XIRP2: variants seen among roughly 807,000 people sequenced by gnomAD.
XIRP2 encodes xin actin-binding repeat-containing protein 2.
A neutral mutation model predicts 277.0 loss-of-function variants in XIRP2; 236 were observed. That is an observed-to-expected ratio of 0.85 (90% CI 0.77 to 0.95). The LOEUF (loss-of-function observed/expected upper bound fraction) is 0.95, where lower values mean the gene tolerates loss of function less well. Among genes scored for constraint, XIRP2 ranks in the 40% least tolerant of loss-of-function variants. The pLI, the probability that XIRP2 is intolerant of heterozygous loss-of-function variation, is 0.00. For missense variants in XIRP2, 4,640 were observed against 4,157.5 expected, an observed-to-expected ratio of 1.12 and a Z score of -3.19; for synonymous variants, 1,490 against 1,416.5, an observed-to-expected ratio of 1.05 and a Z score of -1.17.
intron 2 of XIRP2, among the ~76,000 whole-genome samples, chr2:167,082,605 C>T (rs1167305931): frequency 6.6e-6 from 1 of 152,182 alleles, no homozygotes; most frequent in Non-Finnish European, 1.5e-5. Context: ...TCTCCAGCAC[C>T]TATTGTTTCC....
chr2:167,201,250 GA>G (rs779665629), intron 3 of XIRP2, among the ~76,000 whole-genome samples: 6 of 92,814 alleles, frequency 6.5e-5, no homozygotes, highest in Non-Finnish European at 1.1e-4. Flanking sequence ...AAGAAAGAAA[GA>G]AAGAAAGAAA....
At chr2:166,902,555 G>A (rs1284015348) in intron 1 of XIRP2, among the ~76,000 whole-genome samples, 4 of 151,940 alleles carry the variant, frequency 2.6e-5, no homozygotes, top group Admixed American at 2.6e-4. Flanking sequence ...TATTTCTGTG[G>A]CAAAAATTAG....
intron 2 of XIRP2, among the ~76,000 whole-genome samples, chr2:167,035,718 A>G (rs1181192272): frequency 6.6e-6 from 1 of 152,214 alleles, no homozygotes; most frequent in African/African-American, 2.4e-5. Context: ...TAAGTAGCAA[A>G]GGGCATAATG....
At chr2:167,225,803 T>C (rs1299888351) in intron 5 of XIRP2, among the ~76,000 whole-genome samples, 1 of 152,198 alleles carries the variant, frequency 6.6e-6, no homozygotes, top group Non-Finnish European at 1.5e-5. Flanking sequence ...TCACTGAATT[T>C]TTCCTTCCAA....
At chr2:166,939,990 G>T (rs1685655897) in intron 2 of XIRP2, among the ~76,000 whole-genome samples, 1 of 152,066 alleles carries the variant, frequency 6.6e-6, no homozygotes, top group African/African-American at 2.4e-5. Context: ...TTGAATGTTG[G>T]TCTGCCTTTC....
At chr2:167,040,257 A>C (rs928967631) in intron 2 of XIRP2, among the ~76,000 whole-genome samples, 19 of 151,834 alleles carry the variant, frequency 1.3e-4, no homozygotes, top group Non-Finnish European at 2.2e-4. Context: ...CATTTCAAAC[A>C]CATCTTCAGA....
At chr2:166,982,319 T>A (rs1036934217) in intron 2 of XIRP2, among the ~76,000 whole-genome samples, 10 of 130,696 alleles carry the variant, frequency 7.7e-5, no homozygotes, top group Non-Finnish European at 1.1e-4. Flanking sequence ...AGGTACAGTT[T>A]TTTTTTTTAA....
At chr2:167,050,138 C>T (rs2105533339) in intron 2 of XIRP2, among the ~76,000 whole-genome samples, 1 of 152,130 alleles carries the variant, frequency 6.6e-6, no homozygotes, top group East Asian at 1.9e-4. Flanking sequence ...TGCCAATTTA[C>T]TTGATTCTTT....
intron 2 of XIRP2, among the ~76,000 whole-genome samples, chr2:167,022,515 T>C (rs1001978839): frequency 6.6e-6 from 1 of 152,152 alleles, no homozygotes; most frequent in Non-Finnish European, 1.5e-5. Context: ...TAGTTACCTA[T>C]GTATACATGT....
chr2:167,167,372 G>T (rs1692555227), intron 3 of XIRP2, among the ~76,000 whole-genome samples: 1 of 151,986 alleles, frequency 6.6e-6, no homozygotes, highest in South Asian at 2.1e-4. Context: ...TTTCATATTT[G>T]TTACTTTTTA....
intron 2 of XIRP2, among the ~76,000 whole-genome samples, chr2:167,060,153 C>A (rs991737736): frequency 6.6e-6 from 1 of 152,038 alleles, no homozygotes; most frequent in Non-Finnish European, 1.5e-5. Flanking sequence ...ACTAAAATTT[C>A]AGATTTCTTG....
At chr2:167,148,553 T>C (rs936663299) in intron 3 of XIRP2, among the ~76,000 whole-genome samples, 2 of 151,404 alleles carry the variant, frequency 1.3e-5, no homozygotes, top group Non-Finnish European at 2.9e-5. Context: ...AATTAGAGTA[T>C]CGAAAACTGC....
At chr2:167,126,197 TCA>T (rs35533380) in intron 2 of XIRP2, among the ~76,000 whole-genome samples, 9,078 of 99,124 alleles carry the variant, frequency 0.092, 456 homozygotes, top group African/African-American at 0.31. Context: ...TCTCTCTCTC[TCA>T]CACTCTCACT....
In XIRP2 at chr2:167,250,191, C is replaced by T. The variant is rs778262913; in HGVS notation, c.8799C>T (p.Ser2933=). The part of the protein sequence containing the change: ...NKSFFSSVKE[S]QRDDGKGALN... ...CTTTCTTTTCCTCTGTGAAAGAATC[C>T]CAGCGGGATGATGGAAAAGGTGCCT... Residue 2933 remains serine (S), a synonymous_variant, in exon 9 of 11, where the codon TCC becomes TCT. Coordinates refer to ENST00000409195, the MANE Select transcript of XIRP2 (RefSeq NM_152381.6). 6 of 1,613,362 alleles carry T rather than the reference C, an allele frequency of 3.7e-6. No individual in the cohort carries two copies. Among genetic ancestry groups the T allele is most frequent in the Non-Finnish European group, 5.1e-6 (6 of 1,179,642 alleles).
chr2:167,032,987 ATGCACACATG>A (rs1688408529), intron 2 of XIRP2, among the ~76,000 whole-genome samples: 1 of 152,186 alleles, frequency 6.6e-6, no homozygotes, highest in Non-Finnish European at 1.5e-5. Context: ...ATAAAGACAC[ATGCACACATG>A]TGTTTACTGC....
chr2:166,956,114 A>AG (rs112535268), intron 2 of XIRP2, among the ~76,000 whole-genome samples: 7,644 of 151,828 alleles, frequency 0.05, 256 homozygotes, highest in African/African-American at 0.084. Flanking sequence ...AAAATATCAT[A>AG]GGGTTTATCT....
At chr2:166,982,357 C>T (rs1011877561) in intron 2 of XIRP2, among the ~76,000 whole-genome samples, 1 of 147,672 alleles carries the variant, frequency 6.8e-6, no homozygotes, top group Admixed American at 6.8e-5. Context: ...TTAATATTTA[C>T]TGAACTTCTT....
rs1419523225 is a variant in XIRP2 at position 167,251,266 on chromosome 2, G to A, written c.9874G>A (p.Ala3292Thr). ...GGTGCCCGACACTGAAAGTTATGATGCAGTTGAAATCATCCGCAAGGTTGC... is the reference window on the plus strand; with the variant it reads ...GGTGCCCGACACTGAAAGTTATGATACAGTTGAAATCATCCGCAAGGTTGC... Reference protein sequence around the residue: ...HMVPDTESYDAVEIIRKVAVP... With the variant: ...HMVPDTESYDTVEIIRKVAVP... The change falls in exon 9 of 11, where the codon GCA (alanine) becomes ACA (threonine). Residue 3292 changes from alanine to threonine, a missense_variant. Transcript: ENST00000409195. 6.2e-7 allele frequency: 1 copy of A among 1,613,570 alleles called. No individual in the cohort carries two copies. The highest frequency in any genetic ancestry group is 1.7e-5 in the Admixed American group (1 of 59,966).
chr2:166,912,323 C>G (rs904702842), intron 2 of XIRP2, among the ~76,000 whole-genome samples: 10 of 152,112 alleles, frequency 6.6e-5, no homozygotes, highest in African/African-American at 2.4e-4. Context: ...ACTCTTTTTT[C>G]TCTAAACTTC....
Sources: gnomAD v4.1 joint callset for allele counts (sites outside exome capture counted in the v4.1 genomes callset) on GRCh38, gnomAD v4.1.1 for gene constraint, MANE v1.5 for transcripts, NCBI Gene and HGNC (gene_info 2026-07-23, HGNC 2026-07-21) for gene names.